PITPNC1: variants seen among roughly 807,000 people sequenced by gnomAD.
The protein encoded by PITPNC1 is phosphatidylinositol transfer protein cytoplasmic 1.
PITPNC1 carries 18 observed loss-of-function variants against 44.7 expected under a neutral mutation model. That is an observed-to-expected ratio of 0.40 (90% CI 0.28 to 0.60). PITPNC1 has a LOEUF of 0.60. PITPNC1 is among the 20% of genes least tolerant of loss of function. The pLI, the probability that PITPNC1 is intolerant of heterozygous loss-of-function variation, is 0.39. For synonymous variants in PITPNC1, 141 were observed against 149.6 expected, an observed-to-expected ratio of 0.94 and a Z score of 0.42; for missense variants, 290 against 418.4, an observed-to-expected ratio of 0.69 and a Z score of 2.68.
rs555760463 is a variant in PITPNC1 at position 67,667,560 on chromosome 17, A to G, written c.463-1948A>G. Among the ~76,000 whole-genome samples the G allele has an allele frequency of 6.6e-5, 10 of 150,444 alleles. No homozygotes were observed. The East Asian group carries it at 9.8e-4, about 15-fold the overall frequency. On this transcript the variant is annotated intron_variant, in intron 6 of 8. Coordinates refer to ENST00000581322, the MANE Select transcript of PITPNC1 (RefSeq NM_012417.4). ...TATTTAAGCATAATTACTGGGTTTT[A>G]TATAGTTTACATGTTCTAAGGTATC...
chr17:67,413,355 T>C (rs1462778529), intron 1 of PITPNC1, among the ~76,000 whole-genome samples: 1 of 146,562 alleles, frequency 6.8e-6, no homozygotes, highest in African/African-American at 2.6e-5. Flanking sequence ...TGAATATTTT[T>C]AGTATGGCAA....
At chr17:67,453,352 G>A (rs996997443) in intron 1 of PITPNC1, among the ~76,000 whole-genome samples, 3 of 152,120 alleles carry the variant, frequency 2.0e-5, no homozygotes, top group African/African-American at 7.2e-5. Flanking sequence ...TTGGTGAGAG[G>A]TAATGGAGAA....
intron 1 of PITPNC1, among the ~76,000 whole-genome samples, chr17:67,416,973 C>A (rs575795843): frequency 6.6e-6 from 1 of 151,484 alleles, no homozygotes; most frequent in African/African-American, 2.4e-5. Context: ...CCACCATGCC[C>A]GGCTAATTTT....
chr17:67,560,965 TTTTG>T (rs956227349), intron 4 of PITPNC1, among the ~76,000 whole-genome samples: 2 of 152,222 alleles, frequency 1.3e-5, no homozygotes, highest in African/African-American at 4.8e-5. Context: ...TTTTCTTCTT[TTTTG>T]TTTATTTTCC....
chr17:67,400,138 C>T (rs1269381113), intron 1 of PITPNC1, among the ~76,000 whole-genome samples: 3 of 152,158 alleles, frequency 2.0e-5, no homozygotes, highest in Non-Finnish European at 2.9e-5. Context: ...TAGGGGGACC[C>T]TCTAGTGCCA....
chr17:67,571,876 C>G (rs1257592185), intron 4 of PITPNC1, among the ~76,000 whole-genome samples: 1 of 152,180 alleles, frequency 6.6e-6, no homozygotes, highest in Admixed American at 6.5e-5. Context: ...TGGGGGGCAA[C>G]CAGGGGAGTG....
intron 5 of PITPNC1, among the ~76,000 whole-genome samples, chr17:67,593,442 C>G (rs2041419332): frequency 6.6e-6 from 1 of 152,022 alleles, no homozygotes; most frequent in Non-Finnish European, 1.5e-5. Context: ...CTTTGTCACC[C>G]AGGCTGGAGT....
intron 1 of PITPNC1, among the ~76,000 whole-genome samples, chr17:67,422,746 C>A (rs150797813): frequency 6.6e-6 from 1 of 152,062 alleles, no homozygotes; most frequent in Admixed American, 6.6e-5. Flanking sequence ...ACCATGTTGG[C>A]CAGGCTGGTC....
At chr17:67,648,496 C>G (rs978477662) in intron 6 of PITPNC1, among the ~76,000 whole-genome samples, 1 of 152,182 alleles carries the variant, frequency 6.6e-6, no homozygotes, top group Non-Finnish European at 1.5e-5. Flanking sequence ...CTTGAATGAC[C>G]TTATTGCTTT....
intron 1 of PITPNC1, among the ~76,000 whole-genome samples, chr17:67,444,887 AC>A (rs764313422): frequency 6.6e-6 from 1 of 151,902 alleles, no homozygotes; most frequent in Non-Finnish European, 1.5e-5. Flanking sequence ...ACAGAGCGAG[AC>A]TCGGTCTCAA....
At chr17:67,533,277 A>G (rs2040487926) in intron 2 of PITPNC1, among the ~76,000 whole-genome samples, 1 of 152,148 alleles carries the variant, frequency 6.6e-6, no homozygotes, top group African/African-American at 2.4e-5. Context: ...ATATTACTAC[A>G]TAAAATAAAA....
At chr17:67,494,216 T>TCTCTCTCTCTCTC (rs371994851) in intron 1 of PITPNC1, among the ~76,000 whole-genome samples, 1 of 148,154 alleles carries the variant, frequency 6.7e-6, no homozygotes, top group African/African-American at 2.6e-5. Context: ...TTTCTTTCTT[T>TCTCTCTCTCTCTC]TTGAGACGTA....
At chr17:67,684,942 C>CA (rs1339448846) in intron 8 of PITPNC1, among the ~76,000 whole-genome samples, 8 of 152,244 alleles carry the variant, frequency 5.3e-5, no homozygotes, top group African/African-American at 1.9e-4. Context: ...TTCAATAGAA[C>CA]AAAAAAACCT....
intron 1 of PITPNC1, among the ~76,000 whole-genome samples, chr17:67,497,205 C>T (rs1312247164): frequency 1.3e-5 from 2 of 151,010 alleles, no homozygotes; most frequent in Non-Finnish European, 2.9e-5. Flanking sequence ...TCACACAAGA[C>T]ATATTATTAT....
chr17:67,496,255 C>A (rs997651261), intron 1 of PITPNC1, among the ~76,000 whole-genome samples: 1 of 152,296 alleles, frequency 6.6e-6, no homozygotes, highest in Admixed American at 6.5e-5. Flanking sequence ...CTCCCCTTTC[C>A]CTGTTATCGT....
At chr17:67,396,992 T>C (rs1227425594) in intron 1 of PITPNC1, among the ~76,000 whole-genome samples, 1 of 152,134 alleles carries the variant, frequency 6.6e-6, no homozygotes, top group African/African-American at 2.4e-5. Context: ...TATTTATTTA[T>C]TTTTTGAGAC....
At chr17:67,677,900 T>G (rs1434168447) in intron 8 of PITPNC1, among the ~76,000 whole-genome samples, 2 of 151,038 alleles carry the variant, frequency 1.3e-5, no homozygotes, top group Non-Finnish European at 3.0e-5. Context: ...ACTTAGGGAC[T>G]TCTAATAAAA....
chr17:67,553,663 G>T, intron 4 of PITPNC1, 46 bp downstream of exon 4: 1 of 773,022 alleles, frequency 1.3e-6, no homozygotes, highest in Middle Eastern at 2.3e-4. Flanking sequence ...TATGATCAGT[G>T]GAGTAATTGG....
intron 1 of PITPNC1, among the ~76,000 whole-genome samples, chr17:67,519,173 T>G (rs1414684113): frequency 3.4e-4 from 2 of 5,818 alleles, no homozygotes; most frequent in Non-Finnish European, 6.6e-4. Flanking sequence ...AGCATTCTGT[T>G]TTTTTTTTTT....
Sources: gnomAD v4.1 joint callset for allele counts (sites outside exome capture counted in the v4.1 genomes callset) on GRCh38, gnomAD v4.1.1 for gene constraint, MANE v1.5 for transcripts, NCBI Gene and HGNC (gene_info 2026-07-23, HGNC 2026-07-21) for gene names.